Variants in PKHD1L1 observed in about 807,000 individuals in gnomAD.
The protein encoded by PKHD1L1 is fibrocystin-L.
In PKHD1L1, 434 loss-of-function variants were observed where a neutral mutation model predicts 462.9. The ratio of observed to expected loss-of-function variants is 0.94; its 90% CI spans 0.87 to 1.02. PKHD1L1 has a LOEUF of 1.02. Among genes scored for constraint, PKHD1L1 ranks in the 50% least tolerant of loss-of-function variants. The probability of loss-of-function intolerance (pLI) is 0.00; values close to 1 mark genes in which losing one functional copy is unlikely to be tolerated. For synonymous variants in PKHD1L1, 1,781 were observed against 1,750.0 expected (o/e 1.02, Z -0.44); for missense variants, 5,202 against 5,096.1 (o/e 1.02, Z -0.63).
chr8:109,421,217 A>G lies in PKHD1L1; in HGVS notation c.2697+527A>G, dbSNP rs183564525. Among the ~76,000 whole-genome samples the G allele has an allele frequency of 2.2e-3, 329 of 152,076 alleles. 5 individuals are homozygous for G. In the South Asian group the frequency reaches 0.034, roughly 16 times the overall value. On this transcript the variant is annotated intron_variant, in intron 23 of 77. Transcript: ENST00000378402. ...AATTAAATTTCTATAAAAATATTCA[A>G]TGAGTTAATATAATTTCCTACCACA...
intron 4 of PKHD1L1, among the ~76,000 whole-genome samples, chr8:109,383,392 T>A (rs1180778255): frequency 8.6e-6 from 1 of 116,836 alleles, no homozygotes; most frequent in African/African-American, 3.4e-5. Context: ...ATATTATATA[T>A]TATATATTAC....
intron 6 of PKHD1L1, among the ~76,000 whole-genome samples, 194 bp from the exon 7 acceptor site, chr8:109,388,303 G>A (rs1812535806): frequency 6.6e-6 from 1 of 152,092 alleles, no homozygotes; most frequent in Admixed American, 6.5e-5. Context: ...TCACCGATGT[G>A]TGCCAGTACC....
At chr8:109,494,747 T>C (rs1819005467) in intron 63 of PKHD1L1, among the ~76,000 whole-genome samples, 1 of 151,968 alleles carries the variant, frequency 6.6e-6, no homozygotes, top group African/African-American at 2.4e-5. Flanking sequence ...ATAAAAATCA[T>C]AGAAAGTAAT....
chr8:109,400,088 T>C lies in PKHD1L1; in HGVS notation c.1025T>C (p.Leu342Pro). The C allele has an allele frequency of 6.2e-7, 1 of 1,611,618 alleles. No homozygotes were observed. The highest frequency in any genetic ancestry group is 8.5e-7 in the Non-Finnish European group (1 of 1,178,464). ...TCATTACACTTAGGAGGGAGAGGCCTGAAGCTTGAGGTGTGGAATAATAGC... is the reference window on the plus strand; with the variant it reads ...TCATTACACTTAGGAGGGAGAGGCCCGAAGCTTGAGGTGTGGAATAATAGC... ...LKTVYPGGRGLKLEVWNNSRP... is the reference protein window; with the variant it reads ...LKTVYPGGRGPKLEVWNNSRP... Residue 342 changes from leucine (L) to proline (P), a missense_variant, in exon 13 of 78, where the codon CTG becomes CCG. This residue lies in a region of PKHD1L1 where 4,497 missense variants were observed against 4,336.8 expected (regional missense o/e 1.04). Coordinates refer to ENST00000378402, the MANE Select transcript of PKHD1L1 (RefSeq NM_177531.6).
chr8:109,424,607 AT>A (rs548251153), intron 23 of PKHD1L1, among the ~76,000 whole-genome samples: 238 of 147,388 alleles, frequency 1.6e-3, no homozygotes, highest in South Asian at 7.9e-3. Context: ...TTAAACAAGT[AT>A]TTTTTTTTTT....
intron 68 of PKHD1L1, among the ~76,000 whole-genome samples, chr8:109,507,101 G>T (rs1162838733): frequency 1.3e-5 from 2 of 151,996 alleles, no homozygotes; most frequent in East Asian, 1.9e-4. Context: ...ATAAACAAAG[G>T]TCTATAAGAA....
intron 68 of PKHD1L1, among the ~76,000 whole-genome samples, chr8:109,506,470 C>G (rs1352695020): frequency 1.3e-5 from 2 of 152,136 alleles, no homozygotes; most frequent in Non-Finnish European, 2.9e-5. Context: ...AGTGGATAAA[C>G]CACTTCTCTT....
At chr8:109,474,488 A>G (rs955578758) in intron 50 of PKHD1L1, among the ~76,000 whole-genome samples, 3 of 152,162 alleles carry the variant, frequency 2.0e-5, no homozygotes, top group Non-Finnish European at 2.9e-5. Context: ...AAATGTATAT[A>G]TCTTCATCAG....
In PKHD1L1 at chr8:109,386,066, C is replaced by T. The variant is rs184859004; in HGVS notation, c.569+436C>T. ...TCGTAACACAGTTTTGACACATTTTCTACTGCTTCATGATGTACAGGCAAG... is the reference window on the plus strand; with the variant it reads ...TCGTAACACAGTTTTGACACATTTTTTACTGCTTCATGATGTACAGGCAAG... On this transcript the variant is annotated intron_variant, in intron 6 of 77. Coordinates refer to ENST00000378402, the MANE Select transcript of PKHD1L1 (RefSeq NM_177531.6). Among the ~76,000 whole-genome samples the T allele has an allele frequency of 2.8e-4, 43 of 152,286 alleles. No individual in the cohort carries two copies. The East Asian group carries it at 8.1e-3, about 29-fold the overall frequency.
chr8:109,466,322 ATT>A (rs977458055), intron 49 of PKHD1L1, among the ~76,000 whole-genome samples: 1 of 152,094 alleles, frequency 6.6e-6, no homozygotes, highest in African/African-American at 2.4e-5. Flanking sequence ...CCCACTTCCC[ATT>A]TCCAAGTTTG....
chr8:109,463,565 C>T (rs189354284), intron 48 of PKHD1L1, among the ~76,000 whole-genome samples: 2 of 151,884 alleles, frequency 1.3e-5, no homozygotes, highest in East Asian at 3.9e-4. Flanking sequence ...CATGCACACA[C>T]GCACATACAC....
chr8:109,494,363 C>T (rs57937650), intron 63 of PKHD1L1, among the ~76,000 whole-genome samples: 1,648 of 151,946 alleles, frequency 0.011, 26 homozygotes, highest in African/African-American at 0.037. Context: ...GTGCGTTTAC[C>T]TTTACTCAGT....
rs551474420 is a variant in PKHD1L1, at chr8:109,506,045, C to G, written c.10994+1553C>G. ...AGTGTTTGGGGGGTCAACAGAGCCCCTCTTCAGTAGGCAGTTATTAGCTCT... is the reference window on the plus strand; with the variant it reads ...AGTGTTTGGGGGGTCAACAGAGCCCGTCTTCAGTAGGCAGTTATTAGCTCT... On this transcript the variant is annotated intron_variant, in intron 68 of 77. Coordinates refer to ENST00000378402, the MANE Select transcript of PKHD1L1 (RefSeq NM_177531.6). 8.5e-5 allele frequency among the ~76,000 whole-genome samples: 13 copies of G among 152,282 alleles called. No individual in the cohort carries two copies. The East Asian group carries it at 2.5e-3, about 29-fold the overall frequency.
chr8:109,388,569 T>G lies in PKHD1L1; in HGVS notation c.623+19T>G. 1 of 1,475,786 alleles carries G rather than the reference T, an allele frequency of 6.8e-7. No individual in the cohort carries two copies. The highest frequency in any genetic ancestry group is 1.4e-5 in the African/African-American group (1 of 71,098). 91.4% of individuals were successfully genotyped at this position (1,475,786 alleles called of 1,614,324 possible). A position where few individuals can be genotyped will look rare whatever the true frequency, so the allele number is the denominator to read the frequency against. On this transcript the variant is annotated intron_variant, in intron 7 of 77. Transcript: ENST00000378402. ...ATAATTTGTAAGTAATTCAAATTAT[T>G]TTCTTTACAAAAACAAATAGCAGAT...
intron 1 of PKHD1L1, among the ~76,000 whole-genome samples, chr8:109,363,201 A>C (rs1811066650): frequency 6.6e-6 from 1 of 152,198 alleles, no homozygotes; most frequent in African/African-American, 2.4e-5. Flanking sequence ...CTGTGGAGAT[A>C]ACAGGAGGAT....
intron 58 of PKHD1L1, 91 bp downstream of exon 58, chr8:109,485,264 C>T: frequency 8.6e-7 from 1 of 1,165,814 alleles, no homozygotes; most frequent in Non-Finnish European, 1.2e-6. Context: ...TAAAACATGT[C>T]ACAAATATGT....
Position 109,388,534 on chromosome 8 carries a change from C to A in PKHD1L1, c.607C>A (p.Pro203Thr). ...IGGMPCELLI[P>T]QSDNLYGLKL... ...AGGAATGCCCTGTGAGCTTCTCATA[C>A]CACAATCTGATAATTTGTAAGTAAT... Residue 203 changes from proline (P) to threonine (T), a missense_variant, in exon 7 of 78, where the codon CCA becomes ACA. By Grantham distance (38) the Pro-to-Thr change is conservative. Transcript: ENST00000378402. 1 of 1,513,694 alleles carries A rather than the reference C, an allele frequency of 6.6e-7. No individual in the cohort carries two copies. Among genetic ancestry groups the A allele is most frequent in the Non-Finnish European group, 9.0e-7 (1 of 1,113,958 alleles). 93.8% of individuals were successfully genotyped at this position (1,513,694 alleles called of 1,614,324 possible). A position where few individuals can be genotyped will look rare whatever the true frequency, so the allele number is the denominator to read the frequency against.
intron 31 of PKHD1L1, 35 bp downstream of exon 31, chr8:109,438,491 C>A: frequency 6.7e-7 from 1 of 1,502,090 alleles, no homozygotes; most frequent in South Asian, 1.3e-5. Context: ...GTCATTTGTC[C>A]TATGTATAAA....
chr8:109,450,954 A>T, intron 40 of PKHD1L1, 21 bp from the exon 41 acceptor site: 1 of 1,574,438 alleles, frequency 6.4e-7, no homozygotes, highest in Non-Finnish European at 8.7e-7. Context: ...AACTGCATTC[A>T]GTCTGATCTT....
Sources: allele counts gnomAD v4.1 joint callset (sites outside exome capture counted in the v4.1 genomes callset), GRCh38; gene constraint gnomAD v4.1.1; regional missense constraint gnomAD v4.1.1; transcripts MANE v1.5; gene names NCBI Gene and HGNC (gene_info 2026-07-23, HGNC 2026-07-21).